The following AVL9 variants were observed in gnomAD, a reference collection of about 807,000 sequenced individuals.
AVL9 encodes late secretory pathway protein AVL9 homolog.
In AVL9, 49 loss-of-function variants were observed where a neutral mutation model predicts 79.2. The ratio of observed to expected loss-of-function variants is 0.62; its 90% CI spans 0.49 to 0.79. The LOEUF is 0.79. AVL9 is among the 30% of genes least tolerant of loss of function. The probability of loss-of-function intolerance (pLI) is 0.00; values close to 1 mark genes in which losing one functional copy is unlikely to be tolerated. For missense variants in AVL9, 682 were observed against 776.8 expected, an observed-to-expected ratio of 0.88 and a Z score of 1.45; for synonymous variants, 299 against 280.6, an observed-to-expected ratio of 1.07 and a Z score of -0.65.
intron 1 of AVL9, among the ~76,000 whole-genome samples, chr7:32,496,910 A>G (rs1000120628): frequency 1.3e-5 from 2 of 152,200 alleles, no homozygotes. Flanking sequence ...AGACCAGCTT[A>G]GATAACAAAG....
At chr7:32,547,590 C>T (rs1004382629) in intron 3 of AVL9, among the ~76,000 whole-genome samples, 1 of 152,200 alleles carries the variant, frequency 6.6e-6, no homozygotes, top group Non-Finnish European at 1.5e-5. Flanking sequence ...CCTGTCTCCC[C>T]ACTCCCTGGT....
intron 8 of AVL9, 60 bp from the exon 9 acceptor site, chr7:32,558,496 TTTG>T (rs1310717917): frequency 2.4e-6 from 3 of 1,269,002 alleles, no homozygotes; most frequent in African/African-American, 1.5e-5. Context: ...CTCTTTTTTA[TTTG>T]TTATCATTAT....
chr7:32,508,125 T>G (rs1185823013), intron 1 of AVL9, among the ~76,000 whole-genome samples: 1 of 152,246 alleles, frequency 6.6e-6, no homozygotes, highest in African/African-American at 2.4e-5. Flanking sequence ...AAAAGCCATT[T>G]AAGACTTATA....
Position 32,544,692 on chromosome 7 carries a change from A to G in AVL9, c.215-2A>G. Reference sequence around the variant, plus strand: ...ATTTACATTTTTCTATGTATCTCTTAGATACTGTGTTTTTTCACTTGCCAC... The same window carrying G: ...ATTTACATTTTTCTATGTATCTCTTGGATACTGTGTTTTTTCACTTGCCAC... On this transcript the variant is annotated splice_acceptor_variant, in intron 2 of 15. Transcript: ENST00000318709. LOFTEE classifies it high-confidence loss of function. The G allele has an allele frequency of 6.2e-7, 1 of 1,608,598 alleles. No individual in the cohort carries two copies. The highest frequency in any genetic ancestry group is 8.5e-7 in the Non-Finnish European group (1 of 1,175,336).
intron 1 of AVL9, chr7:32,534,468 T>C (rs956834959): frequency 5.9e-5 from 9 of 152,070 alleles, no homozygotes; most frequent in African/African-American, 2.2e-4. Flanking sequence ...AACTCAGAAA[T>C]GAGAAAATCT....
chr7:32,567,324 A>G (rs1227459346), intron 10 of AVL9, among the ~76,000 whole-genome samples: 1 of 152,124 alleles, frequency 6.6e-6, no homozygotes. Flanking sequence ...CTGGTCTCAA[A>G]CTTCTGAGCT....
intron 15 of AVL9, chr7:32,581,624 G>T (rs1380590462): frequency 6.6e-6 from 1 of 152,236 alleles, no homozygotes; most frequent in Non-Finnish European, 1.5e-5. Flanking sequence ...TTGAGTCCAG[G>T]AGTTCAAGAC....
chr7:32,548,811 A>AAATATTTCATAGC, intron 3 of AVL9, 36 bp from the exon 4 acceptor site: 1 of 1,384,196 alleles, frequency 7.2e-7, no homozygotes, highest in Non-Finnish European at 9.9e-7. Flanking sequence ...TATTGCTATG[A>AAATATTTCATAGC]AATATTTCTG....
intron 1 of AVL9, among the ~76,000 whole-genome samples, chr7:32,523,779 G>A (rs1788282677): frequency 6.8e-6 from 1 of 147,910 alleles, no homozygotes; most frequent in Non-Finnish European, 1.5e-5. Flanking sequence ...TGTCACTCAG[G>A]CTGGAGTGCA....
At chr7:32,537,268 A>G (rs956900019) in intron 1 of AVL9, 3 of 152,306 alleles carry the variant, frequency 2.0e-5, no homozygotes, top group Middle Eastern at 6.8e-3. Flanking sequence ...ATTACTCAGG[A>G]AATTCCAAGG....
In AVL9 at chr7:32,588,042, T is replaced by C. The variant is rs1191955155; in HGVS notation, c.*4135T>C. ...TCTAAATACATTTGTATTTCTGTGC[T>C]GTTCTAAAGTTTACCTTTTTACTTA... On this transcript the variant is annotated 3_prime_UTR_variant, in exon 16 of 16. Coordinates refer to ENST00000318709, the MANE Select transcript of AVL9 (RefSeq NM_015060.3). The C allele has an allele frequency of 1.3e-5, 2 of 152,218 alleles. No homozygotes were observed. Among genetic ancestry groups the C allele is most frequent in the African/African-American group, 4.8e-5 (2 of 41,460 alleles). 9.4% of individuals were successfully genotyped at this position (152,218 alleles called of 1,614,324 possible). A position where few individuals can be genotyped will look rare whatever the true frequency, so the allele number is the denominator to read the frequency against.
At chr7:32,558,659 T>G in intron 9 of AVL9, 31 bp downstream of exon 9, 1 of 1,525,088 alleles carries the variant, frequency 6.6e-7, no homozygotes, top group Non-Finnish European at 9.0e-7. Context: ...ACTCTTTCTT[T>G]TGTTTAACTT....
At position 32,573,751 on chromosome 7, in the gene AVL9, A is replaced by G. The variant is rs912656405; in HGVS notation, c.1570+333A>G. On this transcript the variant is annotated intron_variant, in intron 12 of 15. Transcript: ENST00000318709. Reference sequence around the variant, plus strand: ...CATGAACATATATCATCACTTTTACATGACTGCTTCATATTCATCAGTATT... The same window carrying G: ...CATGAACATATATCATCACTTTTACGTGACTGCTTCATATTCATCAGTATT... 4.6e-5 allele frequency among the ~76,000 whole-genome samples: 7 copies of G among 152,320 alleles called. No homozygotes were observed. The East Asian group carries it at 1.4e-3, about 29-fold the overall frequency.
intron 10 of AVL9, among the ~76,000 whole-genome samples, chr7:32,561,034 G>A (rs939583171): frequency 1.3e-5 from 2 of 152,178 alleles, no homozygotes; most frequent in Non-Finnish European, 2.9e-5. Flanking sequence ...AAAGAGATGT[G>A]CTGTCATCCA....
rs1012101234 is a variant in AVL9 at position 32,585,094 on chromosome 7, A to G, written c.*1187A>G. On this transcript the variant is annotated 3_prime_UTR_variant, in exon 16 of 16. Coordinates refer to ENST00000318709, the MANE Select transcript of AVL9 (RefSeq NM_015060.3). ...CTGTTTCTTTTTTAAACAGTTTTCT[A>G]TTGGGTGTTTGCAGACCTACAGCTT... The G allele has an allele frequency of 6.6e-6, 1 of 152,014 alleles. No homozygotes were observed. The highest frequency in any genetic ancestry group is 1.5e-5 in the Non-Finnish European group (1 of 68,036). The allele number at this position is 152,014 out of a possible 1,614,324, so 9.4% of individuals were successfully genotyped here.
chr7:32,550,682 A>C (rs968335316), intron 4 of AVL9, among the ~76,000 whole-genome samples: 1 of 152,198 alleles, frequency 6.6e-6, no homozygotes. Context: ...AAAATGGTAG[A>C]AGATTCTAAA....
intron 1 of AVL9, among the ~76,000 whole-genome samples, chr7:32,511,607 G>T (rs1787676657): frequency 6.6e-6 from 1 of 152,064 alleles, no homozygotes; most frequent in East Asian, 1.9e-4. Flanking sequence ...TGACGAGCAG[G>T]GCGGTGGCAT....
rs552906385 is a variant in AVL9, at chr7:32,495,914, G to T, written c.93+112G>T. The T allele has an allele frequency of 4.1e-5, 26 of 637,354 alleles. No individual in the cohort carries two copies. In the South Asian group the frequency reaches 2.1e-3, roughly 52 times the overall value. The allele number at this position is 637,354 out of a possible 1,614,324, so 39.5% of individuals were successfully genotyped here. ...CGCGTCGTGCAGTCCTCCCCACAGCGCCTGCGACCCTTCGCCTCTCAACCT... is the reference window on the plus strand; with the variant it reads ...CGCGTCGTGCAGTCCTCCCCACAGCTCCTGCGACCCTTCGCCTCTCAACCT... On this transcript the variant is annotated intron_variant, in intron 1 of 15. Coordinates refer to ENST00000318709, the MANE Select transcript of AVL9 (RefSeq NM_015060.3).
At chr7:32,529,461 A>G (rs2128127775) in intron 1 of AVL9, among the ~76,000 whole-genome samples, 1 of 152,344 alleles carries the variant, frequency 6.6e-6, no homozygotes, top group East Asian at 1.9e-4. Flanking sequence ...GGTCTGGTTT[A>G]TTAGTCCTAA....
Sources: gnomAD v4.1 joint callset for allele counts (sites outside exome capture counted in the v4.1 genomes callset) on GRCh38, gnomAD v4.1.1 for gene constraint, MANE v1.5 for transcripts, NCBI Gene and HGNC (gene_info 2026-07-23, HGNC 2026-07-21) for gene names.